COPG2: variants seen among roughly 807,000 people sequenced by gnomAD.
The protein encoded by COPG2 is coat protein complex I subunit gamma 2.
COPG2 carries 37 observed loss-of-function variants against 46.3 expected under a neutral mutation model. The ratio of observed to expected loss-of-function variants is 0.80; its 90% CI spans 0.61 to 1.05. COPG2 has a LOEUF of 1.05. COPG2 is among the 50% of genes least tolerant of loss of function. The pLI, the probability that COPG2 is intolerant of heterozygous loss-of-function variation, is 0.00. For synonymous variants in COPG2, 159 were observed against 129.7 expected (o/e 1.23, Z -1.53); for missense variants, 427 against 387.8 (o/e 1.10, Z -0.85).
rs546966324 is a variant in COPG2 at position 130,654,086 on chromosome 7, C to T, written c.244-1138G>A. On this transcript the variant is annotated intron_variant, in intron 4 of 23. Transcript: ENST00000425248. ...ATCAGGGAAATGAAAATTACTTATC[C>T]AATGAAAAATTAAAACCACGTTTCA... Among the ~76,000 whole-genome samples, 50 of 152,206 alleles carry T rather than the reference C, an allele frequency of 3.3e-4. No homozygotes were observed. In the South Asian group the frequency reaches 0.01, roughly 31 times the overall value.
intron 20 of COPG2, among the ~76,000 whole-genome samples, chr7:130,534,610 G>A (rs1212989781): frequency 1.3e-5 from 2 of 152,202 alleles, no homozygotes; most frequent in Middle Eastern, 3.2e-3. Context: ...TCCAGTGGTA[G>A]TCAGGGTGGC....
At chr7:130,658,775 G>T (rs1584616589) in intron 4 of COPG2, among the ~76,000 whole-genome samples, 1 of 151,946 alleles carries the variant, frequency 6.6e-6, no homozygotes, top group African/African-American at 2.4e-5. Flanking sequence ...CCCCCTCCTG[G>T]GTTCAAGTGA....
At chr7:130,625,564 T>C (rs1172626921) in intron 5 of COPG2, among the ~76,000 whole-genome samples, 17 of 152,126 alleles carry the variant, frequency 1.1e-4, no homozygotes, top group African/African-American at 3.6e-4. Context: ...AAATTATCCA[T>C]TAAATCTAGG....
In COPG2 at chr7:130,557,837, A is replaced by AAAAAAAAAAAAAAG. The variant is rs1793655277; in HGVS notation, c.1129-2706_1129-2705insCTTTTTTTTTTTTT. 1.3e-5 allele frequency among the ~76,000 whole-genome samples: 2 copies of AAAAAAAAAAAAAAG among 148,424 alleles called. 1 individual carries two copies. ...CATCTCAAAAAAAAAAAAAAAAAAA[A>AAAAAAAAAAAAAAG]ATCATGCAAGAATAGCCAGGAAAAC... On this transcript the variant is annotated intron_variant, in intron 12 of 23. Coordinates refer to ENST00000425248, the MANE Select transcript of COPG2 (RefSeq NM_012133.6).
intron 19 of COPG2, 53 bp from the exon 20 acceptor site, chr7:130,547,898 A>G: frequency 2.5e-6 from 1 of 398,488 alleles, no homozygotes; most frequent in East Asian, 3.6e-5. Flanking sequence ...TATCCTTCCT[A>G]CTCATAACCC....
chr7:130,527,197 A>G (rs984396811), intron 20 of COPG2, among the ~76,000 whole-genome samples: 1 of 151,640 alleles, frequency 6.6e-6, no homozygotes. Context: ...TGGGGCCACA[A>G]GTGTGTCTGT....
At chr7:130,535,607 C>G (rs1473466294) in intron 20 of COPG2, among the ~76,000 whole-genome samples, 1 of 117,970 alleles carries the variant, frequency 8.5e-6, no homozygotes, top group African/African-American at 3.2e-5. Context: ...GGGCCAGGCT[C>G]TTTACTACGG....
At chr7:130,600,735 CTT>C (rs1341302527) in intron 9 of COPG2, among the ~76,000 whole-genome samples, 2 of 152,138 alleles carry the variant, frequency 1.3e-5, no homozygotes, top group Non-Finnish European at 2.9e-5. Flanking sequence ...ATAAAGGTCT[CTT>C]GTTTCATTTT....
chr7:130,654,718 A>T (rs1230445047), intron 4 of COPG2, among the ~76,000 whole-genome samples: 2 of 152,254 alleles, frequency 1.3e-5, no homozygotes, highest in East Asian at 3.9e-4. Context: ...ACAATAAAAA[A>T]ACTTCCAAAG....
intron 9 of COPG2, among the ~76,000 whole-genome samples, chr7:130,572,159 T>C (rs1259229846): frequency 6.6e-6 from 1 of 152,148 alleles, no homozygotes; most frequent in Non-Finnish European, 1.5e-5. Flanking sequence ...ACTTGGGTGA[T>C]GGGTACACCA....
chr7:130,668,717 C>G lies in COPG2; in HGVS notation c.-49G>C. ...GACCCACCGCAACCGTCCCAGGCGC[C>G]GCAGCCGGCGAGCGGAAGAGGCTGC... On this transcript the variant is annotated 5_prime_UTR_variant, in exon 1 of 24. Coordinates refer to ENST00000425248, the MANE Select transcript of COPG2 (RefSeq NM_012133.6). The G allele has an allele frequency of 1.3e-6, 2 of 1,506,134 alleles. No individual in the cohort carries two copies. Among genetic ancestry groups the G allele is most frequent in the Non-Finnish European group, 1.8e-6 (2 of 1,126,596 alleles). The allele number at this position is 1,506,134 out of a possible 1,614,324, so 93.3% of individuals were successfully genotyped here.
At chr7:130,607,283 A>T (rs1281587560) in intron 9 of COPG2, among the ~76,000 whole-genome samples, 3 of 146,990 alleles carry the variant, frequency 2.0e-5, no homozygotes, top group African/African-American at 7.5e-5. Context: ...ATAAATAAAT[A>T]AAGTCATGGA....
intron 11 of COPG2, 22 bp downstream of exon 11, chr7:130,563,247 T>C (rs1793745227): frequency 5.0e-6 from 2 of 397,938 alleles, no homozygotes; most frequent in African/African-American, 4.1e-5. Flanking sequence ...TATAAGTCAA[T>C]AATTAGCAAA....
intron 9 of COPG2, among the ~76,000 whole-genome samples, chr7:130,604,500 A>AT (rs1250574678): frequency 6.6e-6 from 1 of 152,200 alleles, no homozygotes; most frequent in African/African-American, 2.4e-5. Flanking sequence ...GGTTGCTGGA[A>AT]TAAGAAATAA....
intron 5 of COPG2, among the ~76,000 whole-genome samples, chr7:130,632,218 T>C (rs1436251613): frequency 1.3e-5 from 2 of 152,238 alleles, no homozygotes; most frequent in Non-Finnish European, 2.9e-5. Flanking sequence ...TCCTGGAAGA[T>C]ATTTTCAGTG....
chr7:130,544,065 G>C (rs1793389688), intron 20 of COPG2, among the ~76,000 whole-genome samples: 1 of 152,154 alleles, frequency 6.6e-6, no homozygotes, highest in Admixed American at 6.5e-5. Flanking sequence ...GAAGGGGAAA[G>C]GGTGGCTGAA....
At chr7:130,597,745 C>T (rs1362153806) in intron 9 of COPG2, among the ~76,000 whole-genome samples, 1 of 152,112 alleles carries the variant, frequency 6.6e-6, no homozygotes, top group East Asian at 1.9e-4. Flanking sequence ...TCCAGGGGAG[C>T]CTTGTGAAGG....
chr7:130,663,740 T>C (rs1466627605), intron 3 of COPG2, among the ~76,000 whole-genome samples: 2 of 135,222 alleles, frequency 1.5e-5, no homozygotes, highest in African/African-American at 2.8e-5. Flanking sequence ...CTTTTTTTTT[T>C]TTTTTTTTTT....
At chr7:130,569,552 T>C (rs1268612498) in intron 9 of COPG2, among the ~76,000 whole-genome samples, 1 of 151,968 alleles carries the variant, frequency 6.6e-6, no homozygotes, top group Admixed American at 6.5e-5. Flanking sequence ...GCAGCAAGAT[T>C]GAAATGGTAA....
Sources: allele counts gnomAD v4.1 joint callset (sites outside exome capture counted in the v4.1 genomes callset), GRCh38; gene constraint gnomAD v4.1.1; transcripts MANE v1.5; gene names NCBI Gene and HGNC (gene_info 2026-07-23, HGNC 2026-07-21).